The following RBM47 variants were observed in gnomAD, a reference collection of about 807,000 sequenced individuals.
RBM47 encodes RNA binding motif protein 47.
A neutral mutation model predicts 47.1 loss-of-function variants in RBM47; 21 were observed. The observed-to-expected ratio is 0.45, with a 90% CI of 0.32 to 0.64. The LOEUF (loss-of-function observed/expected upper bound fraction) is 0.64. RBM47 is among the 30% of genes least tolerant of loss of function. RBM47 has a pLI of 0.05. For synonymous variants in RBM47, 375 were observed against 361.7 expected (o/e 1.04, Z -0.42); for missense variants, 708 against 870.9 (o/e 0.81, Z 2.35).
At chr4:40,531,473 C>T (rs534099631) in intron 2 of RBM47, among the ~76,000 whole-genome samples, 1 of 151,662 alleles carries the variant, frequency 6.6e-6, no homozygotes, top group African/African-American at 2.4e-5. Flanking sequence ...AGGGGATAGG[C>T]GGAAGGGTGG....
At chr4:40,551,666 T>TG (rs1729575778) in intron 1 of RBM47, among the ~76,000 whole-genome samples, 2 of 150,946 alleles carry the variant, frequency 1.3e-5, no homozygotes. Flanking sequence ...TTTTTTTTTT[T>TG]GAGACAGAGT....
intron 2 of RBM47, among the ~76,000 whole-genome samples, chr4:40,470,905 G>A (rs1269092206): frequency 6.6e-6 from 1 of 152,052 alleles, no homozygotes; most frequent in Non-Finnish European, 1.5e-5. Context: ...ACCACACCTG[G>A]CTAATTTTTG....
chr4:40,529,871 A>AGT (rs1296854255), intron 2 of RBM47, among the ~76,000 whole-genome samples: 12 of 146,654 alleles, frequency 8.2e-5, no homozygotes, highest in African/African-American at 2.7e-4. Context: ...TAAATAAATA[A>AGT]ATAAATATTA....
intron 1 of RBM47, among the ~76,000 whole-genome samples, chr4:40,571,552 A>G (rs979666544): frequency 3.9e-5 from 6 of 152,090 alleles, no homozygotes; most frequent in Non-Finnish European, 7.4e-5. Flanking sequence ...AGACCTTTCT[A>G]TTCTGACTCA....
At chr4:40,629,338 G>C (rs1187548032) in intron 1 of RBM47, 58 bp downstream of exon 1, 1 of 152,010 alleles carries the variant, frequency 6.6e-6, no homozygotes, top group African/African-American at 2.4e-5. Flanking sequence ...TCAAAAATTG[G>C]GACCCAAATG....
intron 1 of RBM47, among the ~76,000 whole-genome samples, chr4:40,545,623 G>A (rs893589132): frequency 1.4e-5 from 2 of 144,732 alleles, no homozygotes; most frequent in African/African-American, 2.5e-5. Context: ...AAGATCACGC[G>A]ATTGCTCTCC....
At chr4:40,531,894 G>A (rs1189208148) in intron 2 of RBM47, among the ~76,000 whole-genome samples, 1 of 152,124 alleles carries the variant, frequency 6.6e-6, no homozygotes, top group Non-Finnish European at 1.5e-5. Flanking sequence ...TGAGGCAGGG[G>A]GGTGAGGACA....
chr4:40,626,567 A>C (rs1737756498), intron 1 of RBM47, among the ~76,000 whole-genome samples: 1 of 152,100 alleles, frequency 6.6e-6, no homozygotes, highest in Admixed American at 6.6e-5. Flanking sequence ...ATTCCTCTAG[A>C]CACTCTCTCC....
chr4:40,508,425 A>T (rs1256866694), intron 2 of RBM47, among the ~76,000 whole-genome samples: 1 of 152,200 alleles, frequency 6.6e-6, no homozygotes, highest in Non-Finnish European at 1.5e-5. Context: ...GCTGGCACAG[A>T]TAGGGAATGA....
intron 1 of RBM47, among the ~76,000 whole-genome samples, chr4:40,595,416 C>T (rs1734660879): frequency 1.3e-5 from 2 of 151,904 alleles, no homozygotes; most frequent in African/African-American, 4.8e-5. Flanking sequence ...ACTGCTTGAA[C>T]CCGGGAGGTG....
chr4:40,565,174 C>T (rs1419877766), intron 1 of RBM47, among the ~76,000 whole-genome samples: 1 of 152,188 alleles, frequency 6.6e-6, no homozygotes, highest in East Asian at 1.9e-4. Flanking sequence ...CTGATTTGAT[C>T]CCAAATGGCA....
At chr4:40,559,924 C>CT (rs568414904) in intron 1 of RBM47, among the ~76,000 whole-genome samples, 1 of 152,052 alleles carries the variant, frequency 6.6e-6, no homozygotes, top group Non-Finnish European at 1.5e-5. Flanking sequence ...TAGTGTTTAC[C>CT]TTTTTTAAAA....
At chr4:40,519,299 T>A (rs1223427569) in intron 2 of RBM47, among the ~76,000 whole-genome samples, 1 of 145,980 alleles carries the variant, frequency 6.9e-6, no homozygotes, top group Non-Finnish European at 1.5e-5. Flanking sequence ...CCTTCAATCT[T>A]TTTTTTTTTT....
At position 40,556,037 on chromosome 4, in the gene RBM47, C is replaced by CT. The variant is rs112819173; in HGVS notation, c.-239-11532dup. On this transcript the variant is annotated intron_variant, in intron 1 of 6. Transcript: ENST00000295971. ...CCTGCTAAAGACCTGAAAAGATCTTCTTTTTTTTTTTTTTTTGAGACAGAG... is the reference window on the plus strand; with the variant it reads ...CCTGCTAAAGACCTGAAAAGATCTTCTTTTTTTTTTTTTTTTTGAGACAGAG... Among the ~76,000 whole-genome samples the CT allele has an allele frequency of 6.9e-3, 963 of 139,486 alleles. 10 individuals are homozygous for CT. Among genetic ancestry groups the CT allele is most frequent in the Middle Eastern group, 0.026 (7 of 270 alleles). 91.5% of individuals were successfully genotyped at this position (139,486 alleles called of 152,430 possible).
chr4:40,559,690 C>T (rs577498932), intron 1 of RBM47, among the ~76,000 whole-genome samples: 3 of 152,042 alleles, frequency 2.0e-5, no homozygotes, highest in East Asian at 3.9e-4. Flanking sequence ...AGGTCCCACC[C>T]AAATCGGGAA....
chr4:40,624,141 A>T (rs2154282002), intron 1 of RBM47, among the ~76,000 whole-genome samples: 1 of 152,308 alleles, frequency 6.6e-6, no homozygotes, highest in East Asian at 1.9e-4. Flanking sequence ...GTGAGTGACC[A>T]AGCCTGGCCC....
intron 3 of RBM47, among the ~76,000 whole-genome samples, chr4:40,454,370 C>A (rs969221692): frequency 7.2e-5 from 11 of 152,198 alleles, no homozygotes; most frequent in African/African-American, 2.2e-4. Context: ...TTATCGCTAT[C>A]TCAAAGCATC....
chr4:40,587,491 T>C (rs892320628), intron 1 of RBM47, among the ~76,000 whole-genome samples: 8 of 152,152 alleles, frequency 5.3e-5, no homozygotes, highest in African/African-American at 1.9e-4. Flanking sequence ...AAGAAGACAC[T>C]GTAAATATGA....
At chr4:40,506,042 C>T (rs1026019639) in intron 2 of RBM47, among the ~76,000 whole-genome samples, 1 of 152,098 alleles carries the variant, frequency 6.6e-6, no homozygotes, top group Non-Finnish European at 1.5e-5. Context: ...CTTTCTCTGA[C>T]CTATCTACTA....
Sources: allele counts gnomAD v4.1 joint callset (sites outside exome capture counted in the v4.1 genomes callset), GRCh38; gene constraint gnomAD v4.1.1; transcripts MANE v1.5; gene names NCBI Gene and HGNC (gene_info 2026-07-23, HGNC 2026-07-21).